The following PPP1R9A variants were observed in gnomAD, a reference collection of about 807,000 sequenced individuals.
The protein encoded by PPP1R9A is neurabin-1.
PPP1R9A carries 59 observed loss-of-function variants against 141.9 expected under a neutral mutation model. That is an observed-to-expected ratio of 0.42 (90% CI 0.34 to 0.52). The LOEUF is 0.52. Among genes scored for constraint, PPP1R9A ranks in the 20% least tolerant of loss-of-function variants. PPP1R9A has a pLI of 0.10. For synonymous variants in PPP1R9A, 500 were observed against 569.7 expected, an observed-to-expected ratio of 0.88 and a Z score of 1.74; for missense variants, 1,444 against 1,611.9, an observed-to-expected ratio of 0.90 and a Z score of 1.78.
intron 5 of PPP1R9A, among the ~76,000 whole-genome samples, chr7:95,192,634 C>G (rs1195681818): frequency 6.6e-6 from 1 of 152,126 alleles, no homozygotes; most frequent in South Asian, 2.1e-4. Flanking sequence ...ACTCATTTTA[C>G]AACTGTGGAA....
At chr7:95,206,788 A>T (rs1258777509) in intron 7 of PPP1R9A, among the ~76,000 whole-genome samples, 2 of 152,196 alleles carry the variant, frequency 1.3e-5, no homozygotes, top group Non-Finnish European at 2.9e-5. Context: ...TTAATGCTTA[A>T]ATGTTATGAT....
intron 2 of PPP1R9A, among the ~76,000 whole-genome samples, chr7:94,926,481 T>G (rs1434937142): frequency 1.3e-5 from 2 of 152,246 alleles, no homozygotes; most frequent in Non-Finnish European, 2.9e-5. Flanking sequence ...CAGAAAGTTG[T>G]AAAGCTACTT....
intron 5 of PPP1R9A, among the ~76,000 whole-genome samples, chr7:95,186,460 A>G (rs781475408): frequency 2.0e-4 from 30 of 152,178 alleles, no homozygotes; most frequent in Non-Finnish European, 3.4e-4. Flanking sequence ...ATCATCTGCA[A>G]ACAGCGACAG....
chr7:95,282,879 A>G (rs569189568), intron 16 of PPP1R9A, among the ~76,000 whole-genome samples: 1 of 152,354 alleles, frequency 6.6e-6, no homozygotes, highest in Non-Finnish European at 1.5e-5. Context: ...ATATTTGCAA[A>G]TAAATGGGAA....
chr7:95,274,041 G>C (rs771795914), intron 15 of PPP1R9A, 44 bp from the exon 16 acceptor site: 2 of 1,500,838 alleles, frequency 1.3e-6, no homozygotes, highest in Admixed American at 3.5e-5. Context: ...GATTGAAAGA[G>C]AAAATTTCAG....
chr7:95,281,714 G>A (rs944570897), intron 16 of PPP1R9A, among the ~76,000 whole-genome samples: 1 of 152,120 alleles, frequency 6.6e-6, no homozygotes, highest in Non-Finnish European at 1.5e-5. Context: ...TGCTTTTAAA[G>A]GTAATAGTGA....
At chr7:95,140,455 A>G (rs1312825957) in intron 4 of PPP1R9A, among the ~76,000 whole-genome samples, 2 of 152,060 alleles carry the variant, frequency 1.3e-5, no homozygotes, top group East Asian at 3.9e-4. Flanking sequence ...TAGTGGCATA[A>G]TCTTAGCTCA....
rs1819446961 is a variant in PPP1R9A, at chr7:95,105,941, G to T, written c.1396-5318G>T. The stretch of plus-strand genomic sequence containing the variant: ...CTTAAAGGGCATTAAACATCCTAGT[G>T]GGTGATATATTCAAAACATGTTTAT... On this transcript the variant is annotated intron_variant, in intron 2 of 19. Transcript: ENST00000433360. Among the ~76,000 whole-genome samples, 4 of 152,166 alleles carry T rather than the reference G, an allele frequency of 2.6e-5. No homozygotes were observed. The South Asian group carries it at 8.3e-4, about 32-fold the overall frequency.
chr7:95,190,611 TG>T (rs1488791824), intron 5 of PPP1R9A, among the ~76,000 whole-genome samples: 6 of 147,902 alleles, frequency 4.1e-5, no homozygotes, highest in African/African-American at 1.5e-4. Context: ...GGAACAGGAT[TG>T]TTCTGTCATG....
chr7:95,038,517 A>G (rs552548801), intron 2 of PPP1R9A, among the ~76,000 whole-genome samples: 1 of 152,186 alleles, frequency 6.6e-6, no homozygotes, highest in East Asian at 1.9e-4. Flanking sequence ...AATCATCCTA[A>G]AATGTACCCA....
chr7:95,020,041 T>TATC (rs71125098), intron 2 of PPP1R9A, among the ~76,000 whole-genome samples: 58,026 of 150,746 alleles, frequency 0.38, 11,888 homozygotes, highest in Middle Eastern at 0.5. Flanking sequence ...GCTATATCAT[T>TATC]ATCATCATCA....
intron 1 of PPP1R9A, among the ~76,000 whole-genome samples, chr7:94,909,451 A>T (rs539233006): frequency 6.6e-6 from 1 of 152,294 alleles, no homozygotes; most frequent in Non-Finnish European, 1.5e-5. Flanking sequence ...TTCCAAACTT[A>T]ATTGTACTTA....
intron 2 of PPP1R9A, chr7:95,098,449 C>CT (rs773348000): frequency 4.0e-5 from 6 of 151,686 alleles, no homozygotes; most frequent in Non-Finnish European, 8.8e-5. Flanking sequence ...GGTCATCATC[C>CT]TTTTTTATGT....
chr7:94,971,100 G>A (rs1798810010), intron 2 of PPP1R9A, among the ~76,000 whole-genome samples: 1 of 152,070 alleles, frequency 6.6e-6, no homozygotes, highest in Non-Finnish European at 1.5e-5. Context: ...AGAGGGGAAA[G>A]GGACAAAAGA....
intron 4 of PPP1R9A, among the ~76,000 whole-genome samples, chr7:95,138,969 ACTTT>A (rs1181821252): frequency 2.0e-5 from 3 of 152,226 alleles, no homozygotes; most frequent in African/African-American, 7.2e-5. Flanking sequence ...TGTACACTTA[ACTTT>A]TTGATCCAGC....
intron 2 of PPP1R9A, among the ~76,000 whole-genome samples, chr7:95,054,964 A>G (rs769911173): frequency 2.0e-5 from 3 of 152,224 alleles, no homozygotes; most frequent in Non-Finnish European, 2.9e-5. Context: ...AACTTACGTG[A>G]TCAATTCCTG....
intron 4 of PPP1R9A, among the ~76,000 whole-genome samples, chr7:95,150,395 C>G (rs368049239): frequency 2.8e-4 from 42 of 152,248 alleles, no homozygotes; most frequent in Admixed American, 1.6e-3. Context: ...CTGTGCCTCC[C>G]AAGTTCAAGC....
intron 8 of PPP1R9A, among the ~76,000 whole-genome samples, chr7:95,230,904 T>C (rs1795828487): frequency 6.6e-6 from 1 of 152,148 alleles, no homozygotes; most frequent in Admixed American, 6.6e-5. Flanking sequence ...GTACCTCACA[T>C]GTCAATACTA....
intron 2 of PPP1R9A, among the ~76,000 whole-genome samples, chr7:95,068,242 G>A (rs916289605): frequency 2.6e-5 from 4 of 152,016 alleles, no homozygotes; most frequent in Non-Finnish European, 4.4e-5. Context: ...GGCCGAGGTG[G>A]GCAGATCATT....
Sources: gnomAD v4.1 joint callset for allele counts (sites outside exome capture counted in the v4.1 genomes callset) on GRCh38, gnomAD v4.1.1 for gene constraint, MANE v1.5 for transcripts, NCBI Gene and HGNC (gene_info 2026-07-23, HGNC 2026-07-21) for gene names.